GPM6A: variants seen among roughly 807,000 people sequenced by gnomAD.
The protein encoded by GPM6A is neuronal membrane glycoprotein M6-a.
In GPM6A, 7 loss-of-function variants were observed where a neutral mutation model predicts 32.1. That is an observed-to-expected ratio of 0.22 (90% CI 0.12 to 0.41). The LOEUF is 0.41. GPM6A is among the 10% of genes least tolerant of loss of function. GPM6A has a pLI of 1.00. For missense variants in GPM6A, 235 were observed against 347.2 expected, an observed-to-expected ratio of 0.68 and a Z score of 2.57; for synonymous variants, 130 against 123.4, an observed-to-expected ratio of 1.05 and a Z score of -0.35.
At chr4:175,847,310 C>T (rs1468245607) in intron 1 of GPM6A, among the ~76,000 whole-genome samples, 1 of 152,146 alleles carries the variant, frequency 6.6e-6, no homozygotes, top group Admixed American at 6.6e-5. Flanking sequence ...GCTTTCTGCT[C>T]TTTCTGTGAC....
At chr4:175,775,750 T>G (rs532733490) in intron 1 of GPM6A, among the ~76,000 whole-genome samples, 2 of 152,148 alleles carry the variant, frequency 1.3e-5, no homozygotes, top group African/African-American at 4.8e-5. Flanking sequence ...AAGCAAGTCA[T>G]ATAAATATAC....
At chr4:175,851,266 C>T (rs1736245982) in intron 1 of GPM6A, among the ~76,000 whole-genome samples, 1 of 151,976 alleles carries the variant, frequency 6.6e-6, no homozygotes, top group Admixed American at 6.6e-5. Context: ...GTGGGCGGAT[C>T]ACAAGGTCAG....
intron 1 of GPM6A, among the ~76,000 whole-genome samples, chr4:175,994,922 C>T (rs1009877377): frequency 6.6e-6 from 1 of 152,184 alleles, no homozygotes; most frequent in Non-Finnish European, 1.5e-5. Context: ...TCAACAATAT[C>T]ACTGCATCTT....
chr4:175,682,671 T>C (rs1047110797), intron 2 of GPM6A, among the ~76,000 whole-genome samples: 1 of 152,148 alleles, frequency 6.6e-6, no homozygotes, highest in Non-Finnish European at 1.5e-5. Flanking sequence ...GCTCCAACCA[T>C]GGCTCAAAAG....
chr4:175,991,819 G>T (rs990950212), intron 1 of GPM6A, among the ~76,000 whole-genome samples: 1 of 151,940 alleles, frequency 6.6e-6, no homozygotes, highest in Non-Finnish European at 1.5e-5. Context: ...ATTTGTTTCG[G>T]ATGTATAGAC....
At chr4:175,955,436 T>C (rs560735964) in intron 1 of GPM6A, among the ~76,000 whole-genome samples, 1 of 152,314 alleles carries the variant, frequency 6.6e-6, no homozygotes, top group African/African-American at 2.4e-5. Context: ...AAATACTCAC[T>C]TCTTGGGATT....
chr4:175,853,627 T>C (rs1736330281), intron 1 of GPM6A, among the ~76,000 whole-genome samples: 1 of 152,026 alleles, frequency 6.6e-6, no homozygotes, highest in East Asian at 1.9e-4. Context: ...AGTCGTTCTA[T>C]GCTTTTATGT....
chr4:175,976,253 C>A (rs1740656634), intron 1 of GPM6A, among the ~76,000 whole-genome samples: 1 of 151,466 alleles, frequency 6.6e-6, no homozygotes, highest in Admixed American at 6.6e-5. Context: ...AGCTCCGCCT[C>A]CCAAGTTCAC....
chr4:175,832,864 G>A (rs1449399187), intron 1 of GPM6A, among the ~76,000 whole-genome samples: 1 of 152,218 alleles, frequency 6.6e-6, no homozygotes, highest in African/African-American at 2.4e-5. Flanking sequence ...TGTCAGGACA[G>A]GGGAACATCT....
At chr4:175,684,864 GTGTTT>G (rs907811332) in intron 2 of GPM6A, among the ~76,000 whole-genome samples, 31 of 152,036 alleles carry the variant, frequency 2.0e-4, no homozygotes, top group Middle Eastern at 3.4e-3. Flanking sequence ...GTGTGTGTGT[GTGTTT>G]TGTTTTGTTT....
chr4:175,662,056 A>C (rs1008665420), intron 3 of GPM6A, among the ~76,000 whole-genome samples: 5 of 152,140 alleles, frequency 3.3e-5, no homozygotes, highest in African/African-American at 1.2e-4. Context: ...TGATAGGAAA[A>C]ATTTTAAAGA....
chr4:175,996,438 TG>T (rs1741310876), intron 1 of GPM6A, among the ~76,000 whole-genome samples: 1 of 152,314 alleles, frequency 6.6e-6, no homozygotes, highest in Non-Finnish European at 1.5e-5. Flanking sequence ...TCTAGTTGAT[TG>T]TGACAAGAGG....
intron 2 of GPM6A, among the ~76,000 whole-genome samples, chr4:175,676,692 G>A (rs376578990): frequency 7.9e-5 from 12 of 152,192 alleles, no homozygotes; most frequent in African/African-American, 1.2e-4. Flanking sequence ...GCTGCAATGC[G>A]CTACGATCAC....
chr4:175,656,008 G>T (rs1269001767), intron 3 of GPM6A, among the ~76,000 whole-genome samples: 1 of 151,994 alleles, frequency 6.6e-6, no homozygotes, highest in Non-Finnish European at 1.5e-5. Context: ...GGTATTTATT[G>T]CTTTGAACAG....
In GPM6A at chr4:175,693,970, G is replaced by A. The variant is rs1027367874; in HGVS notation, c.230+7605C>T. 7.9e-5 allele frequency among the ~76,000 whole-genome samples: 12 copies of A among 152,068 alleles called. No individual in the cohort carries two copies. In the South Asian group the frequency reaches 8.3e-4, roughly 10 times the overall value. ...GGTGAGATGTGGTTGTTGAAAGTGT[G>A]CAGCACCTCCCCCTACTCTCTCTTG... On this transcript the variant is annotated intron_variant, in intron 2 of 6. Coordinates refer to ENST00000393658, the MANE Select transcript of GPM6A (RefSeq NM_201591.3).
upstream of GPM6A, chr4:175,812,772 C>A (rs1049774677): frequency 5.1e-6 from 5 of 985,316 alleles, no homozygotes; most frequent in Admixed American, 6.2e-5. Flanking sequence ...AGATTCCCGT[C>A]GGTTCTTTAT....
intron 1 of GPM6A, among the ~76,000 whole-genome samples, chr4:175,930,432 G>GT (rs200612825): frequency 2.0e-5 from 2 of 98,228 alleles, no homozygotes; most frequent in Admixed American, 1.3e-4. Flanking sequence ...TTTTGGGGGG[G>GT]GGTTTTTTTG....
chr4:175,860,475 C>T (rs573990960), intron 1 of GPM6A, among the ~76,000 whole-genome samples: 2 of 151,956 alleles, frequency 1.3e-5, no homozygotes, highest in South Asian at 4.1e-4. Context: ...ATGAAAGACA[C>T]AAATTACCAA....
chr4:175,827,260 G>T (rs1211279930), intron 1 of GPM6A, among the ~76,000 whole-genome samples: 1 of 152,180 alleles, frequency 6.6e-6, no homozygotes, highest in African/African-American at 2.4e-5. Context: ...ACTATATTTA[G>T]TAGCTCAGTA....
Sources: gnomAD v4.1 joint callset for allele counts (sites outside exome capture counted in the v4.1 genomes callset) on GRCh38, gnomAD v4.1.1 for gene constraint, MANE v1.5 for transcripts, NCBI Gene and HGNC (gene_info 2026-07-23, HGNC 2026-07-21) for gene names.